The following TRAK1 variants were observed in gnomAD, a reference collection of about 807,000 sequenced individuals.
The protein encoded by TRAK1 is trafficking kinesin protein 1, also known as trafficking kinesin-binding protein 1.
Under a neutral mutation model 92.1 loss-of-function variants are expected in TRAK1, and 33 were observed. The observed-to-expected ratio is 0.36, with a 90% CI of 0.27 to 0.48. TRAK1 has a LOEUF of 0.48. TRAK1 is among the 20% of genes least tolerant of loss of function. The pLI, the probability that TRAK1 is intolerant of heterozygous loss-of-function variation, is 0.99. For synonymous variants in TRAK1, 521 were observed against 517.3 expected (o/e 1.01, Z -0.10); for missense variants, 1,123 against 1,257.9 (o/e 0.89, Z 1.62).
At chr3:42,154,962 G>A (rs1394709792) in intron 2 of TRAK1, among the ~76,000 whole-genome samples, 1 of 151,996 alleles carries the variant, frequency 6.6e-6, no homozygotes, top group Non-Finnish European at 1.5e-5. Flanking sequence ...GACGTTGAGG[G>A]TATAGCAGAG....
At chr3:42,064,216 G>C (rs1297152202) in intron 1 of TRAK1, among the ~76,000 whole-genome samples, 1 of 152,282 alleles carries the variant, frequency 6.6e-6, no homozygotes, top group South Asian at 2.1e-4. Context: ...TGTAATCCCA[G>C]CACATTTCAA....
intron 1 of TRAK1, among the ~76,000 whole-genome samples, chr3:42,076,216 CTTTTTTTTTTTTTT>C (rs3073733): frequency 1.6e-5 from 1 of 62,684 alleles, no homozygotes; most frequent in Admixed American, 2.3e-4. Flanking sequence ...GATATTAGAC[CTTTTTTTTTTTTTT>C]TTTTTTTTTT....
At chr3:42,087,548 G>A (rs997773592), upstream of TRAK1, 2 of 152,620 alleles carry the variant, frequency 1.3e-5, no homozygotes, top group African/African-American at 4.8e-5. Context: ...CTTTCGGATT[G>A]TGAGACCTCC....
At chr3:42,147,995 C>T (rs1195983964) in intron 2 of TRAK1, among the ~76,000 whole-genome samples, 1 of 151,072 alleles carries the variant, frequency 6.6e-6, no homozygotes, top group African/African-American at 2.4e-5. Flanking sequence ...CTATTTTACA[C>T]ACAGAAGCAG....
intron 2 of TRAK1, chr3:42,151,581 T>C: frequency 3.4e-6 from 1 of 296,368 alleles, no homozygotes. Context: ...GGTATTTTCA[T>C]ACTCCCATTT....
chr3:42,141,580 A>G (rs567769573), intron 2 of TRAK1, among the ~76,000 whole-genome samples: 1 of 152,330 alleles, frequency 6.6e-6, no homozygotes, highest in Non-Finnish European at 1.5e-5. Flanking sequence ...CCAGAGGTCC[A>G]AAGTCAAGGT....
chr3:42,193,949 G>C (rs377509177), intron 9 of TRAK1, 51 bp downstream of exon 9: 1 of 1,547,730 alleles, frequency 6.5e-7, no homozygotes, highest in Non-Finnish European at 8.9e-7. Context: ...AGCCAAGGTG[G>C]ATTAGCCTTC....
chr3:42,084,653 T>C (rs937267437), upstream of TRAK1, among the ~76,000 whole-genome samples: 6 of 152,162 alleles, frequency 3.9e-5, no homozygotes, highest in Non-Finnish European at 8.8e-5. Flanking sequence ...CATTGGTGAC[T>C]CTTGGGGGTC....
chr3:42,214,243 CACCCTGTGTTGAGAGGAGGAGCTGTGCA>C (rs1436566875), intron 14 of TRAK1, among the ~76,000 whole-genome samples: 1 of 152,198 alleles, frequency 6.6e-6, no homozygotes, highest in African/African-American at 2.4e-5. Context: ...CTTGAGGGAG[CACCCTGTGTTGAGAGGAGGAGCTGTGCA>C]ACCACACTGC....
chr3:42,194,748 T>C (rs1425170226), intron 9 of TRAK1, 56 bp from the exon 10 acceptor site: 3 of 1,590,418 alleles, frequency 1.9e-6, no homozygotes, highest in Non-Finnish European at 1.7e-6. Context: ...TGGGCAGATG[T>C]GTGTACACCT....
intron 2 of TRAK1, among the ~76,000 whole-genome samples, chr3:42,169,068 C>T (rs1308119443): frequency 1.3e-5 from 2 of 152,148 alleles, no homozygotes; most frequent in Non-Finnish European, 2.9e-5. Flanking sequence ...AGGTGATCTA[C>T]CCGCCTTGGC....
intron 1 of TRAK1, among the ~76,000 whole-genome samples, chr3:42,102,405 C>T (rs1233933567): frequency 6.6e-6 from 1 of 152,234 alleles, no homozygotes; most frequent in Non-Finnish European, 1.5e-5. Context: ...TAATCTTTCT[C>T]ATGGATTCAG....
chr3:42,065,700 A>G (rs532445115), intron 1 of TRAK1, among the ~76,000 whole-genome samples: 51 of 152,032 alleles, frequency 3.4e-4, no homozygotes, highest in African/African-American at 1.1e-3. Context: ...TGCCATCATG[A>G]CTCACTACAG....
chr3:42,029,676 A>G (rs142011238), intron 1 of TRAK1, among the ~76,000 whole-genome samples: 113 of 151,172 alleles, frequency 7.5e-4, no homozygotes, highest in African/African-American at 2.4e-3. Context: ...CAGCCTCCCA[A>G]GTAGCTTGGA....
intron 7 of TRAK1, among the ~76,000 whole-genome samples, chr3:42,191,931 C>A (rs1156607860): frequency 1.0e-5 from 1 of 95,944 alleles, no homozygotes; most frequent in Non-Finnish European, 1.9e-5. Flanking sequence ...GACAGAGTCT[C>A]ACTCTGTCAC....
chr3:42,042,942 A>G (rs1039835190), intron 1 of TRAK1, among the ~76,000 whole-genome samples: 12 of 151,896 alleles, frequency 7.9e-5, no homozygotes, highest in African/African-American at 2.7e-4. Flanking sequence ...TTATCTCCTC[A>G]TCTCGTCTTT....
At chr3:42,072,110 C>T (rs1252360864) in intron 1 of TRAK1, among the ~76,000 whole-genome samples, 1 of 152,204 alleles carries the variant, frequency 6.6e-6, no homozygotes, top group African/African-American at 2.4e-5. Context: ...TGGCGTCGTG[C>T]CCCTTGGCTG....
chr3:42,036,648 G>T (rs1335533163), intron 1 of TRAK1, among the ~76,000 whole-genome samples: 2 of 152,344 alleles, frequency 1.3e-5, no homozygotes, highest in East Asian at 3.9e-4. Context: ...TGTCACACAA[G>T]GGGAAAATTA....
chr3:42,125,278 G>T (rs1332158938), intron 1 of TRAK1, 142 bp from the exon 2 acceptor site: 2 of 698,996 alleles, frequency 2.9e-6, no homozygotes, highest in Non-Finnish European at 2.3e-6. Context: ...ATTGGAAAAA[G>T]ACTCCTGATA....
Sources: gnomAD v4.1 joint callset for allele counts (sites outside exome capture counted in the v4.1 genomes callset) on GRCh38, gnomAD v4.1.1 for gene constraint, MANE v1.5 for transcripts, NCBI Gene and HGNC (gene_info 2026-07-23, HGNC 2026-07-21) for gene names.